Variants in TTN observed in about 807,000 individuals in gnomAD.
TTN encodes the protein titin.
In TTN, 1,525 loss-of-function variants were observed where a neutral mutation model predicts 3,223.0. The ratio of observed to expected loss-of-function variants is 0.47; its 90% CI spans 0.45 to 0.49. TTN has a LOEUF of 0.49. Among genes scored for constraint, TTN ranks in the 20% least tolerant of loss-of-function variants. The probability of loss-of-function intolerance (pLI) is 0.00; values close to 1 mark genes in which losing one functional copy is unlikely to be tolerated. For synonymous variants in TTN, 14,094 were observed against 15,161.0 expected (o/e 0.93, Z 5.17); for missense variants, 40,786 against 43,424.0 (o/e 0.94, Z 5.40).
Position 178,620,225 on chromosome 2 carries a change from T to G in TTN, c.46296A>C (p.Glu15432Asp). 1 of 1,536,140 alleles carries G rather than the reference T, an allele frequency of 6.5e-7. No individual in the cohort carries two copies. The highest frequency in any genetic ancestry group is 8.7e-7 in the Non-Finnish European group (1 of 1,146,032). The change falls in exon 248 of 363, where the codon GAA (glutamate) becomes GAC (aspartate). Residue 15432 changes from glutamate to aspartate, a missense_variant. Transcript: ENST00000589042. Reference sequence around the variant, plus strand: ...AAAAAGATCTTGCTTACTTTTTGCCTTCTTTGATTTCTCTCCCATTTCTGT... The same window carrying G: ...AAAAAGATCTTGCTTACTTTTTGCCGTCTTTGATTTCTCTCCCATTTCTGT... Reference protein sequence around the residue: ...KWYRNGREIKEGKKYKFEKDG... With the variant: ...KWYRNGREIKDGKKYKFEKDG...
In TTN at chr2:178,784,011, A is replaced by G. The variant is rs560367229; in HGVS notation, c.2775+59T>C. 13 of 1,610,070 alleles carry G rather than the reference A, an allele frequency of 8.1e-6. No individual in the cohort carries two copies. In the African/African-American group the frequency reaches 1.5e-4, roughly 18 times the overall value. On this transcript the variant is annotated intron_variant, in intron 16 of 362. Transcript: ENST00000589042. ...GCTACTTTTCAGTACAAACTAGCCAACCACCTGGCCCTGCTCAATGGGAGT... is the reference window on the plus strand; with the variant it reads ...GCTACTTTTCAGTACAAACTAGCCAGCCACCTGGCCCTGCTCAATGGGAGT...
At position 178,771,279 on chromosome 2, in the gene TTN, A is replaced by G. The variant is rs770445596; in HGVS notation, c.8048T>C (p.Leu2683Ser). ...KRRLIIAATK[L>S]DDIGEYTYKV... is the part of the protein sequence containing the mutation. ...GTAGGTATATTCTCCAATGTCATCTAATTTGGTGGCAGCAATGATAAGTCT... is the reference window on the plus strand; with the variant it reads ...GTAGGTATATTCTCCAATGTCATCTGATTTGGTGGCAGCAATGATAAGTCT... The change falls in exon 34 of 363, where the codon TTA (leucine) becomes TCA (serine). Residue 2683 changes from leucine to serine, a missense_variant. Coordinates refer to ENST00000589042, the MANE Select transcript of TTN (RefSeq NM_001267550.2). 6.2e-7 allele frequency: 1 copy of G among 1,614,094 alleles called. No homozygotes were observed. Among genetic ancestry groups the G allele is most frequent in the Non-Finnish European group, 8.5e-7 (1 of 1,180,010 alleles).
intron 31 of TTN, 45 bp from the exon 32 acceptor site, chr2:178,773,770 T>C: frequency 6.2e-7 from 1 of 1,614,094 alleles, no homozygotes; most frequent in Non-Finnish European, 8.5e-7. Flanking sequence ...TTGTTGAAAT[T>C]GTCTGCTCCT....
At position 178,612,322 on chromosome 2, in the gene TTN, C is replaced by T. The variant is rs773927256; in HGVS notation, c.50203G>A (p.Asp16735Asn). The T allele has an allele frequency of 6.8e-6, 11 of 1,612,382 alleles. 1 individual carries two copies. Among genetic ancestry groups the T allele is most frequent in the South Asian group, 4.4e-5 (4 of 91,008 alleles). The stretch of plus-strand genomic sequence containing the variant: ...ACAGAGTCCTCAATTTCGGTGTAGT[C>T]GCTTTGTCCTATAGCATTTTCTGCA... ...VAAENAIGQSDYTEIEDSVLA... is the reference protein window; with the variant it reads ...VAAENAIGQSNYTEIEDSVLA... Residue 16735 changes from aspartate to asparagine, a missense_variant, in exon 266 of 363, where the codon GAC becomes AAC. By Grantham distance (23) the Asp-to-Asn change is conservative (BLOSUM62 1). Coordinates refer to ENST00000589042, the MANE Select transcript of TTN (RefSeq NM_001267550.2).
At chr2:178,631,434 CTGTT>C in intron 236 of TTN, 134 bp from the exon 237 acceptor site, 1 of 972,392 alleles carries the variant, frequency 1.0e-6, no homozygotes, top group Non-Finnish European at 1.5e-6. Context: ...ATCATTTAAC[CTGTT>C]TATGTTCAAA....
In TTN at chr2:178,617,788, C is replaced by A; in HGVS notation, c.47563G>T (p.Asp15855Tyr). 6.2e-7 allele frequency: 1 copy of A among 1,612,200 alleles called. No individual in the cohort carries two copies. ...SAATPFVKVA[D>Y]PIERPSPPVN... is the part of the protein sequence containing the mutation. ...TTTTTGATGGGCTTACCAATTGGAT[C>A]AGCAACTTTGACGAAGGGTGTGGCT... The change falls in exon 253 of 363, where the codon GAT (aspartate) becomes TAT (tyrosine). Residue 15855 changes from aspartate to tyrosine, a missense_variant. Transcript: ENST00000589042.
chr2:178,619,898 A>G lies in TTN; in HGVS notation c.46430-11T>C. ...TCTCAACAGGAATTTCTGGAAAGAA[A>G]ATGTGAAATAAATACAAATATGTTT... is the stretch of plus-strand genomic sequence containing the variant. On this transcript the variant is annotated splice_polypyrimidine_tract_variant and intron_variant, in intron 249 of 362. Transcript: ENST00000589042. 1 of 1,604,080 alleles carries G rather than the reference A, an allele frequency of 6.2e-7. No homozygotes were observed. Among genetic ancestry groups the G allele is most frequent in the Non-Finnish European group, 8.5e-7 (1 of 1,177,090 alleles).
intron 106 of TTN, among the ~76,000 whole-genome samples, chr2:178,703,714 C>T (rs1036997833): frequency 4.6e-5 from 7 of 152,176 alleles, no homozygotes; most frequent in Non-Finnish European, 1.0e-4. Flanking sequence ...GCTAATTGCA[C>T]ATGACATGTT....
rs750194228 is a variant in TTN at position 178,586,464 on chromosome 2, T to A, written c.64396+41A>T. The stretch of plus-strand genomic sequence containing the variant: ...CTACATATAAAAGAAGAAATTCTAA[T>A]AAACTTACCACATGACATAAATGAA... On this transcript the variant is annotated intron_variant, in intron 308 of 362. Transcript: ENST00000589042. 10 of 1,595,048 alleles carry A rather than the reference T, an allele frequency of 6.3e-6. No homozygotes were observed. In the Middle Eastern group the frequency reaches 1.0e-3, roughly 160 times the overall value.
At position 178,701,220 on chromosome 2, in the gene TTN, C is replaced by A. The variant is rs2074912899; in HGVS notation, c.30599-17G>T. On this transcript the variant is annotated splice_polypyrimidine_tract_variant and intron_variant, in intron 110 of 362. Transcript: ENST00000589042. ...GAGGGATTTCTGAAGAAAATAAATGCCGTTAGTAACATGTTTTAGTTTCTT... is the reference window on the plus strand; with the variant it reads ...GAGGGATTTCTGAAGAAAATAAATGACGTTAGTAACATGTTTTAGTTTCTT... 1.3e-6 allele frequency: 2 copies of A among 1,592,376 alleles called. No individual in the cohort carries two copies.
Position 178,685,590 on chromosome 2 carries a change from C to T in TTN, c.32320G>A (p.Glu10774Lys), listed in dbSNP as rs755797147. 1.2e-6 allele frequency: 2 copies of T among 1,613,274 alleles called. No individual in the cohort carries two copies. The highest frequency in any genetic ancestry group is 1.1e-5 in the South Asian group (1 of 90,892). The change falls in exon 128 of 363, where the codon GAG becomes AAG. Residue 10774 changes from glutamate (E) to lysine (K), a missense_variant. By Grantham distance (56) the Glu-to-Lys change is moderately conservative. Transcript: ENST00000589042. ...AEVTEYEVME[E>K]PEEYVVEEKL... is the part of the protein sequence containing the mutation. ...TCTTCCACAACATATTCCTCAGGCT[C>T]TTCCATCACTTTAAAGACAGCAGTT... is the stretch of plus-strand genomic sequence containing the variant.
chr2:178,802,572 A>G (rs970763028), intron 2 of TTN, among the ~76,000 whole-genome samples: 5 of 152,330 alleles, frequency 3.3e-5, no homozygotes, highest in Middle Eastern at 6.8e-3. Context: ...TGATTTTTCC[A>G]AGGTCCTTCA....
At position 178,663,876 on chromosome 2, in the gene TTN, G is replaced by T. The variant is rs368607833; in HGVS notation, c.36391C>A (p.Arg12131Ser). The T allele has an allele frequency of 6.2e-7, 1 of 1,613,250 alleles. No homozygotes were observed. The change falls in exon 170 of 363, where the codon CGC becomes AGC. Residue 12131 changes from arginine (R) to serine (S), a missense_variant. Coordinates refer to ENST00000589042, the MANE Select transcript of TTN (RefSeq NM_001267550.2). ...KVPEASKEVI[R>S]EEKVPLAPPK... ...GGAGCCAAGGGCACTTTCTCTTCGC[G>T]GATAACCTCTTTGGAAGCTTCTGGC... is the stretch of plus-strand genomic sequence containing the variant.
In TTN at chr2:178,726,031, C is replaced by T. The variant is rs1030649234; in HGVS notation, c.20291G>A (p.Ser6764Asn). 6.6e-7 allele frequency: 1 copy of T among 1,520,838 alleles called. No homozygotes were observed. Among genetic ancestry groups the T allele is most frequent in the Non-Finnish European group, 8.8e-7 (1 of 1,132,770 alleles). The allele number at this position is 1,520,838 out of a possible 1,614,324, so 94.2% of individuals were successfully genotyped here. ...GGTTTCTACTATAGGAGGGAAGCTGCTAAAAACAGGTGGCTCTGCAAAAAA... is the reference window on the plus strand; with the variant it reads ...GGTTTCTACTATAGGAGGGAAGCTGTTAAAAACAGGTGGCTCTGCAAAAAA... ...KVIVKEPPVF[S>N]SFPPIVETLK... The change falls in exon 70 of 363, where the codon AGC becomes AAC. Residue 6764 changes from serine to asparagine, a missense_variant. Ser to Asn is a conservative substitution (Grantham distance 46). Coordinates refer to ENST00000589042, the MANE Select transcript of TTN (RefSeq NM_001267550.2).
chr2:178,543,318 C>A lies in TTN; in HGVS notation c.96655G>T (p.Val32219Phe), dbSNP rs398124460. ...AGTGGTTTTTCCCAGGCAAGGGTAA[C>A]AGTGGATTTGGTGACATCGACCACT... ...LEVVDVTKST[V>F]TLAWEKPLYD... The change falls in exon 347 of 363, where the codon GTT becomes TTT. Residue 32219 changes from valine (V) to phenylalanine (F), a missense_variant. Physicochemically the swap from Val to Phe is conservative, Grantham distance 50. Transcript: ENST00000589042. The A allele has an allele frequency of 6.2e-7, 1 of 1,613,806 alleles. No homozygotes were observed. Among genetic ancestry groups the A allele is most frequent in the Non-Finnish European group, 8.5e-7 (1 of 1,179,798 alleles).
In TTN at chr2:178,573,051, C is replaced by T; in HGVS notation, c.73081G>A (p.Glu24361Lys). ...GGSEITGYMV[E>K]IALPEEDEWQ... ...TCATCTTCCTCTGGCAGGGCAATCT[C>T]AACCATATACCCAGTGATTTCTGAA... The change falls in exon 326 of 363, where the codon GAG becomes AAG. Residue 24361 changes from glutamate (E) to lysine (K), a missense_variant. Glu to Lys is a moderately conservative substitution (Grantham distance 56, BLOSUM62 1). Coordinates refer to ENST00000589042, the MANE Select transcript of TTN (RefSeq NM_001267550.2). The T allele has an allele frequency of 6.2e-7, 1 of 1,613,188 alleles. No individual in the cohort carries two copies. The highest frequency in any genetic ancestry group is 8.5e-7 in the Non-Finnish European group (1 of 1,179,524).
At chr2:178,711,474 T>G in intron 96 of TTN, 125 bp from the exon 97 acceptor site, 1 of 1,127,154 alleles carries the variant, frequency 8.9e-7, no homozygotes, top group Non-Finnish European at 1.2e-6. Context: ...TAATGTCTCT[T>G]GAATTAACTT....
Position 178,775,029 on chromosome 2 carries a change from C to T in TTN, c.6682G>A (p.Val2228Ile). The T allele has an allele frequency of 6.2e-7, 1 of 1,613,968 alleles. No individual in the cohort carries two copies. The highest frequency in any genetic ancestry group is 8.5e-7 in the Non-Finnish European group (1 of 1,179,938). The change falls in exon 29 of 363, where the codon GTT (valine) becomes ATT (isoleucine). Residue 2228 changes from valine (V) to isoleucine (I), a missense_variant. Transcript: ENST00000589042. Reference sequence around the variant, plus strand: ...ATGGTCAGTATGGAGAGGAAGTGAACCTTTCTGTCAGAGTGCATCCTGTAT... The same window carrying T: ...ATGGTCAGTATGGAGAGGAAGTGAATCTTTCTGTCAGAGTGCATCCTGTAT... ...DKYRMHSDRK[V>I]HFLSILTIDT...
At position 178,731,542 on chromosome 2, in the gene TTN, G is replaced by A. The variant is rs72648943; in HGVS notation, c.17224C>T (p.Leu5742Phe). ...TGGAAGGCAGCTGTGCCTCCCCGGA[G>A]GGAGCTGGTACTCTCGATCTTCTTT... is the stretch of plus-strand genomic sequence containing the variant. ...FIKKIESTSS[L>F]RGGTAAFQAT... The change falls in exon 59 of 363, where the codon CTC (leucine) becomes TTC (phenylalanine). Residue 5742 changes from leucine (L) to phenylalanine (F), a missense_variant. By Grantham distance (22) the Leu-to-Phe change is conservative. Coordinates refer to ENST00000589042, the MANE Select transcript of TTN (RefSeq NM_001267550.2). 5.1e-4 allele frequency: 817 copies of A among 1,612,504 alleles called. No homozygotes were observed. The highest frequency in any genetic ancestry group is 6.5e-4 in the Non-Finnish European group (761 of 1,179,190).
Sources: gnomAD v4.1 joint callset for allele counts (sites outside exome capture counted in the v4.1 genomes callset) on GRCh38, gnomAD v4.1.1 for gene constraint, MANE v1.5 for transcripts, NCBI Gene and HGNC (gene_info 2026-07-23, HGNC 2026-07-21) for gene names.